The following DYNC2H1 variants were observed in gnomAD, a reference collection of about 807,000 sequenced individuals.
DYNC2H1 encodes the protein dynein cytoplasmic 2 heavy chain 1.
A neutral mutation model predicts 570.0 loss-of-function variants in DYNC2H1; 410 were observed. The ratio of observed to expected loss-of-function variants is 0.72; its 90% CI spans 0.66 to 0.78. The LOEUF is 0.78. DYNC2H1 is among the 30% of genes least tolerant of loss of function. DYNC2H1 has a pLI of 0.00. For synonymous variants in DYNC2H1, 1,688 were observed against 1,677.6 expected (o/e 1.01, Z -0.15); for missense variants, 4,865 against 5,046.4 (o/e 0.96, Z 1.09).
At chr11:103,152,312 A>G (rs975617917) in intron 21 of DYNC2H1, 27 bp downstream of exon 21, 1 of 1,552,272 alleles carries the variant, frequency 6.4e-7, no homozygotes, top group African/African-American at 1.4e-5. Context: ...TATTTATTAA[A>G]ATGGGAACTT....
rs527436438 is a variant in DYNC2H1 at position 103,163,771 on chromosome 11, T to A, written c.4611+624T>A. On this transcript the variant is annotated intron_variant, in intron 30 of 88. Transcript: ENST00000375735. The surrounding 1 kb of genome is among the most constrained non-coding windows in gnomAD (Gnocchi z 4.6). ...GTTACAGGTGTAGGTCATCAGGAAC[T>A]TTAGTTCTTAGGGACTGTGGATGGT... 6.6e-6 allele frequency among the ~76,000 whole-genome samples: 1 copy of A among 152,246 alleles called. No individual in the cohort carries two copies. The highest frequency in any genetic ancestry group is 1.9e-4 in the East Asian group (1 of 5,172).
At chr11:103,393,177 C>T (rs1229141433) in intron 83 of DYNC2H1, among the ~76,000 whole-genome samples, 1 of 152,206 alleles carries the variant, frequency 6.6e-6, no homozygotes, top group Admixed American at 6.5e-5. Flanking sequence ...AGCCATGGCA[C>T]CCAGCCAGAA....
chr11:103,276,527 A>G (rs1330442954), intron 70 of DYNC2H1, among the ~76,000 whole-genome samples: 1 of 152,102 alleles, frequency 6.6e-6, no homozygotes, highest in Non-Finnish European at 1.5e-5. Context: ...AAAAACGCAA[A>G]TGATACAAGC....
At chr11:103,128,836 T>G in intron 12 of DYNC2H1, 74 bp from the exon 13 acceptor site, 2 of 1,250,174 alleles carry the variant, frequency 1.6e-6, no homozygotes, top group Non-Finnish European at 2.2e-6. Context: ...GTTAACATTT[T>G]CATTCAAACA....
intron 15 of DYNC2H1, among the ~76,000 whole-genome samples, chr11:103,135,276 T>C (rs977909242): frequency 5.9e-5 from 9 of 152,178 alleles, no homozygotes; most frequent in African/African-American, 2.2e-4. Context: ...TTGCTGATCT[T>C]TTAAAATAGT....
At chr11:103,423,850 T>A (rs1943577509) in intron 84 of DYNC2H1, among the ~76,000 whole-genome samples, 1 of 151,988 alleles carries the variant, frequency 6.6e-6, no homozygotes, top group Non-Finnish European at 1.5e-5. Flanking sequence ...AGAACTGCAA[T>A]GAGAATATCA....
chr11:103,187,347 C>G lies in DYNC2H1; in HGVS notation c.6901C>G (p.Leu2301Val). The change falls in exon 43 of 89, where the codon CTC becomes GTC. Residue 2301 changes from leucine (L) to valine (V), a missense_variant. By Grantham distance (32) the Leu-to-Val change is conservative (BLOSUM62 1). Coordinates refer to ENST00000375735, the MANE Select transcript of DYNC2H1 (RefSeq NM_001377.3). ...GTCATGCATTTTTCGTAGGATGCTG[C>G]TCAGGTACGCATTTTCACAACTCCG... ...GPEGCGKGML[L>V]RYAFSQLRST... 6.2e-7 allele frequency: 1 copy of G among 1,612,792 alleles called. No homozygotes were observed. Among genetic ancestry groups the G allele is most frequent in the Non-Finnish European group, 8.5e-7 (1 of 1,179,202 alleles).
rs188771739 is a variant in DYNC2H1, at chr11:103,178,604, C to T, written c.6140-422C>T. Among the ~76,000 whole-genome samples the T allele has an allele frequency of 3.4e-3, 517 of 152,092 alleles. 3 individuals are homozygous for T. The highest frequency in any genetic ancestry group is 0.012 in the African/African-American group (478 of 41,536). ...ATACAATTGGTCACTATTTTTCCCC[C>T]TTTGAGGTCACCTTTTTATATGTCA... On this transcript the variant is annotated intron_variant, in intron 38 of 88. Transcript: ENST00000375735.
intron 84 of DYNC2H1, among the ~76,000 whole-genome samples, chr11:103,435,035 C>G (rs1439322454): frequency 6.6e-6 from 1 of 152,136 alleles, no homozygotes; most frequent in East Asian, 1.9e-4. Context: ...AAAATCACTA[C>G]ACCTGTTTTA....
rs1860965091 is a variant in DYNC2H1 at position 103,159,001 on chromosome 11, A to G, written c.4352A>G (p.Gln1451Arg). Residue 1451 changes from glutamine to arginine, a missense_variant, in exon 28 of 89, where the codon CAG becomes CGG. Gln to Arg is a conservative substitution (Grantham distance 43). Coordinates refer to ENST00000375735, the MANE Select transcript of DYNC2H1 (RefSeq NM_001377.3). ...CAGTCTACCAACCCATCAGTGATTC[A>G]GTCTCACCTGAAGAAGCTTTTTGCT... Reference protein sequence around the residue: ...LGQSTNPSVIQSHLKKLFAGI... With the variant: ...LGQSTNPSVIRSHLKKLFAGI... 6.2e-7 allele frequency: 1 copy of G among 1,612,972 alleles called. No homozygotes were observed. The highest frequency in any genetic ancestry group is 8.5e-7 in the Non-Finnish European group (1 of 1,179,444).
At position 103,194,740 on chromosome 11, in the gene DYNC2H1, C is replaced by T. The variant is rs866633787; in HGVS notation, c.7708+2476C>T. On this transcript the variant is annotated intron_variant, in intron 47 of 88. Coordinates refer to ENST00000375735, the MANE Select transcript of DYNC2H1 (RefSeq NM_001377.3). ...TCAAATTTTTTTTTTTAATTTGAGA[C>T]GGAGTCTCACTCTGTTTCCCAGGCT... is the stretch of plus-strand genomic sequence containing the variant. Among the ~76,000 whole-genome samples, 12 of 151,906 alleles carry T rather than the reference C, an allele frequency of 7.9e-5. No individual in the cohort carries two copies. The South Asian group carries it at 1.9e-3, about 24-fold the overall frequency.
rs947169852 is a variant in DYNC2H1, at chr11:103,205,507, G to C, written c.8454+543G>C. Among the ~76,000 whole-genome samples, 1 of 152,144 alleles carries C rather than the reference G, an allele frequency of 6.6e-6. No individual in the cohort carries two copies. Among genetic ancestry groups the C allele is most frequent in the Non-Finnish European group, 1.5e-5 (1 of 68,020 alleles). On this transcript the variant is annotated intron_variant, in intron 52 of 88. Coordinates refer to ENST00000375735, the MANE Select transcript of DYNC2H1 (RefSeq NM_001377.3). The surrounding 1 kb of genome is among the most constrained non-coding windows in gnomAD (Gnocchi z 4.5). ...ATAGTTTAATGCCTGCCATGATTCAGAGTAAGGAGTGTAATTGGAGATAAA... is the reference window on the plus strand; with the variant it reads ...ATAGTTTAATGCCTGCCATGATTCACAGTAAGGAGTGTAATTGGAGATAAA...
At chr11:103,452,992 C>T (rs1466031445) in intron 85 of DYNC2H1, among the ~76,000 whole-genome samples, 1 of 151,946 alleles carries the variant, frequency 6.6e-6, no homozygotes, top group East Asian at 1.9e-4. Flanking sequence ...GTTTTACTGC[C>T]TGTGATTCTA....
At chr11:103,211,493 A>G (rs375129433) in intron 53 of DYNC2H1, among the ~76,000 whole-genome samples, 1 of 152,052 alleles carries the variant, frequency 6.6e-6, no homozygotes. Flanking sequence ...ATTAATTTAT[A>G]TGTTATGACA....
rs1459129994 is a variant in DYNC2H1 at position 103,245,961 on chromosome 11, G to A, written c.10042+587G>A. Among the ~76,000 whole-genome samples the A allele has an allele frequency of 2.6e-5, 4 of 152,060 alleles. No homozygotes were observed. The highest frequency in any genetic ancestry group is 9.7e-5 in the African/African-American group (4 of 41,418). The stretch of plus-strand genomic sequence containing the variant: ...ACGTACGTGAATGTATGCCACATAC[G>A]TTGCTAGCACAGCAAACTTTAAATA... On this transcript the variant is annotated intron_variant, in intron 65 of 88. Transcript: ENST00000375735. The surrounding 1 kb of genome is among the most constrained non-coding windows in gnomAD (Gnocchi z 4.5).
At chr11:103,392,132 C>G (rs1018433405) in intron 83 of DYNC2H1, among the ~76,000 whole-genome samples, 8 of 152,366 alleles carry the variant, frequency 5.3e-5, no homozygotes, top group African/African-American at 1.9e-4. Flanking sequence ...CCTCCTTGAG[C>G]TGCGGTGGAC....
At chr11:103,240,256 A>C (rs908260588) in intron 63 of DYNC2H1, among the ~76,000 whole-genome samples, 7 of 152,046 alleles carry the variant, frequency 4.6e-5, no homozygotes, top group Non-Finnish European at 1.0e-4. Context: ...CATGTTTACC[A>C]TTATTAGAGT....
chr11:103,137,454 GT>G (rs1405241103), intron 17 of DYNC2H1, among the ~76,000 whole-genome samples: 1 of 152,010 alleles, frequency 6.6e-6, no homozygotes, highest in Non-Finnish European at 1.5e-5. Context: ...TGGTTAGCCA[GT>G]TTTCCCAGCA....
At chr11:103,282,709 A>G (rs948809964) in intron 72 of DYNC2H1, among the ~76,000 whole-genome samples, 1 of 152,030 alleles carries the variant, frequency 6.6e-6, no homozygotes, top group African/African-American at 2.4e-5. Context: ...TCTGAAATGT[A>G]AGATATAATT....
Sources: allele counts gnomAD v4.1 joint callset (sites outside exome capture counted in the v4.1 genomes callset), GRCh38; gene constraint gnomAD v4.1.1; non-coding constraint Gnocchi (gnomAD v3.1); transcripts MANE v1.5; gene names NCBI Gene and HGNC (gene_info 2026-07-23, HGNC 2026-07-21).